DMXL1: variants seen among roughly 807,000 people sequenced by gnomAD.
The protein encoded by DMXL1 is Dmx like 1, also known as dmX-like protein 1.
DMXL1 carries 99 observed loss-of-function variants against 319.2 expected under a neutral mutation model. The ratio of observed to expected loss-of-function variants is 0.31; its 90% CI spans 0.26 to 0.37. The LOEUF is 0.37. Ranked by LOEUF, DMXL1 falls within the 10% of genes least tolerant of loss-of-function variation. DMXL1 has a pLI of 1.00. For missense variants in DMXL1, 3,745 were observed against 3,595.6 expected (o/e 1.04, Z -1.06); for synonymous variants, 1,385 against 1,235.2 (o/e 1.12, Z -2.54).
At chr5:119,116,634 T>A (rs1760905251) in intron 7 of DMXL1, among the ~76,000 whole-genome samples, 1 of 152,202 alleles carries the variant, frequency 6.6e-6, no homozygotes, top group Admixed American at 6.6e-5. Flanking sequence ...TCTAATTCTG[T>A]CATCTATTTT....
At chr5:119,077,168 A>T (rs1432189541) in intron 1 of DMXL1, among the ~76,000 whole-genome samples, 1 of 144,096 alleles carries the variant, frequency 6.9e-6, no homozygotes, top group Non-Finnish European at 1.5e-5. Flanking sequence ...ATTTTATTTT[A>T]TTTTTTTGAG....
At chr5:119,144,455 A>C (rs1273282229) in intron 14 of DMXL1, 81 bp from the exon 15 acceptor site, 4 of 1,009,548 alleles carry the variant, frequency 4.0e-6, no homozygotes, top group Admixed American at 5.0e-5. Flanking sequence ...ATATCTCATT[A>C]TGAAGTATTA....
chr5:119,130,198 T>G (rs901651093), intron 10 of DMXL1, among the ~76,000 whole-genome samples: 1 of 152,212 alleles, frequency 6.6e-6, no homozygotes. Flanking sequence ...TTATGAAGTT[T>G]CCACATTGTT....
At chr5:119,179,177 ATG>A (rs1357072973) in intron 28 of DMXL1, among the ~76,000 whole-genome samples, 1 of 152,010 alleles carries the variant, frequency 6.6e-6, no homozygotes, top group African/African-American at 2.4e-5. Flanking sequence ...GTATTAGCCC[ATG>A]TGTGATAATC....
chr5:119,134,025 G>A lies in DMXL1; in HGVS notation c.2101G>A (p.Val701Ile). The change falls in exon 12 of 44, where the codon GTT becomes ATT. Residue 701 changes from valine to isoleucine, a missense_variant. Val to Ile is a conservative substitution (Grantham distance 29). Around this residue, in one of 4 missense-constraint regions of DMXL1, gnomAD observed 2,096 missense variants for 1,985.4 expected, o/e 1.06. Transcript: ENST00000539542. ...VDVAFQDPSA[V>I]YSELILWRVD... is the part of the protein sequence containing the mutation. ...CGTGGCATTTCAGGATCCCAGTGCAGTTTACAGTGAGCTTATTCTGTGGAG... is the reference window on the plus strand; with the variant it reads ...CGTGGCATTTCAGGATCCCAGTGCAATTTACAGTGAGCTTATTCTGTGGAG... The A allele has an allele frequency of 6.2e-7, 1 of 1,614,170 alleles. No individual in the cohort carries two copies. The highest frequency in any genetic ancestry group is 1.1e-5 in the South Asian group (1 of 91,082).
At position 119,121,281 on chromosome 5, in the gene DMXL1, T is replaced by A. The variant is rs889676445; in HGVS notation, c.1102+142T>A. On this transcript the variant is annotated intron_variant, in intron 9 of 43. Transcript: ENST00000539542. ...ATTTTTCTTTTTTTTTTCTTTTTTT[T>A]TAATTTATTATTTATTTTTATTGAT... 141 of 631,224 alleles carry A rather than the reference T, an allele frequency of 2.2e-4. 2 individuals are homozygous for A. Among genetic ancestry groups the A allele is most frequent in the Admixed American group, 1.0e-3 (26 of 25,690 alleles). 39.1% of individuals were successfully genotyped at this position (631,224 alleles called of 1,614,324 possible).
intron 13 of DMXL1, among the ~76,000 whole-genome samples, chr5:119,141,991 C>T (rs983844037): frequency 6.6e-6 from 1 of 152,084 alleles, no homozygotes; most frequent in Non-Finnish European, 1.5e-5. Context: ...CTTTGACAAA[C>T]CTGACAAAAA....
intron 34 of DMXL1, among the ~76,000 whole-genome samples, chr5:119,208,280 C>T (rs1782107557): frequency 6.7e-6 from 1 of 149,018 alleles, no homozygotes; most frequent in African/African-American, 2.5e-5. Context: ...GTGGCGCGAT[C>T]TCAGCTTACT....
At chr5:119,110,935 C>A (rs563859106) in intron 5 of DMXL1, among the ~76,000 whole-genome samples, 1 of 152,178 alleles carries the variant, frequency 6.6e-6, no homozygotes, top group South Asian at 2.1e-4. Context: ...ATTACAGGCA[C>A]GCGCCACCAC....
chr5:119,241,313 C>T (rs1214439808), intron 42 of DMXL1, among the ~76,000 whole-genome samples: 2 of 151,910 alleles, frequency 1.3e-5, no homozygotes, highest in East Asian at 1.9e-4. Flanking sequence ...GGGTGGATCA[C>T]GAGGTCAGGA....
intron 10 of DMXL1, 89 bp from the exon 11 acceptor site, chr5:119,133,043 G>C: frequency 7.0e-7 from 1 of 1,429,668 alleles, no homozygotes; most frequent in Non-Finnish European, 9.5e-7. Flanking sequence ...AGATCTCCAT[G>C]TGTTCAGCTA....
intron 1 of DMXL1, among the ~76,000 whole-genome samples, chr5:119,078,042 G>A (rs1751385831): frequency 6.6e-6 from 1 of 151,558 alleles, no homozygotes; most frequent in Non-Finnish European, 1.5e-5. Context: ...GGATGTTTTA[G>A]GTTTTTATTT....
At chr5:119,089,727 G>A (rs1004069398) in intron 1 of DMXL1, among the ~76,000 whole-genome samples, 2 of 150,568 alleles carry the variant, frequency 1.3e-5, no homozygotes, top group African/African-American at 4.9e-5. Flanking sequence ...CTGGGTTCAA[G>A]CAATTCTTCT....
chr5:119,201,321 T>C (rs1294468019), intron 32 of DMXL1, among the ~76,000 whole-genome samples: 1 of 152,218 alleles, frequency 6.6e-6, no homozygotes, highest in Non-Finnish European at 1.5e-5. Context: ...TCTATTGATA[T>C]AATTATGTGG....
At chr5:119,132,999 G>C (rs1016405195) in intron 10 of DMXL1, 133 bp from the exon 11 acceptor site, 21 of 835,538 alleles carry the variant, frequency 2.5e-5, no homozygotes, top group Non-Finnish European at 3.5e-5. Flanking sequence ...TGTGGCGGAA[G>C]GGGTACAGAG....
rs1282159658 is a variant in DMXL1 at position 119,170,597 on chromosome 5, T to C, written c.5806T>C (p.Ser1936Pro). The change falls in exon 24 of 44, where the codon TCA (serine) becomes CCA (proline). Residue 1936 changes from serine (S) to proline (P), a missense_variant. By Grantham distance (74) the Ser-to-Pro change is moderately conservative. This residue lies in a region of DMXL1 where 1,382 missense variants were observed against 1,269.5 expected (regional missense o/e 1.09). Transcript: ENST00000539542. ...ACTGATAAATGGTTTTGGATCTTCT[T>C]CAGAGGGTTCCTCAGAGAAGCAATC... ...QSLINGFGSS[S>P]EGSSEKQSNS... The C allele has an allele frequency of 1.9e-6, 3 of 1,613,732 alleles. No homozygotes were observed. Among genetic ancestry groups the C allele is most frequent in the Non-Finnish European group, 2.5e-6 (3 of 1,179,914 alleles).
chr5:119,221,905 A>G (rs768723340), intron 37 of DMXL1, among the ~76,000 whole-genome samples: 3 of 151,920 alleles, frequency 2.0e-5, no homozygotes, highest in Non-Finnish European at 2.9e-5. Flanking sequence ...CTGATTACCT[A>G]GAGATGTGAT....
chr5:119,147,258 T>C lies in DMXL1; in HGVS notation c.2699T>C (p.Val900Ala). 1 of 1,611,750 alleles carries C rather than the reference T, an allele frequency of 6.2e-7. No individual in the cohort carries two copies. Among genetic ancestry groups the C allele is most frequent in the Non-Finnish European group, 8.5e-7 (1 of 1,178,602 alleles). Residue 900 changes from valine to alanine, a missense_variant, in exon 17 of 44, where the codon GTA becomes GCA. Physicochemically the swap from Val to Ala is moderately conservative, Grantham distance 64. Around this residue, in one of 4 missense-constraint regions of DMXL1, gnomAD observed 2,096 missense variants for 1,985.4 expected, o/e 1.06. Transcript: ENST00000539542. ...KSIPVSLDEK[V>A]DTKLSEAVWQ... ...TTCTTATGTTTTGTAGATGAAAAAGTAGATACAAAATTATCCGAAGCGGTT... is the reference window on the plus strand; with the variant it reads ...TTCTTATGTTTTGTAGATGAAAAAGCAGATACAAAATTATCCGAAGCGGTT...
rs777801414 is a variant in DMXL1 at position 119,167,766 on chromosome 5, A to G, written c.5300A>G (p.His1767Arg). The G allele has an allele frequency of 6.2e-6, 10 of 1,613,568 alleles. 1 individual carries two copies. Among genetic ancestry groups the G allele is most frequent in the South Asian group, 3.3e-5 (3 of 91,058 alleles). ...CTGTGTTCATTGAACATAAATATGC[A>G]TCATGATCCTTTTCTTCGGAGCATG... ...SELCSLNINMHHDPFLRSMAY... is the reference protein window; with the variant it reads ...SELCSLNINMRHDPFLRSMAY... The change falls in exon 23 of 44, where the codon CAT becomes CGT. Residue 1767 changes from histidine (H) to arginine (R), a missense_variant. By Grantham distance (29) the His-to-Arg change is conservative. Coordinates refer to ENST00000539542, the MANE Select transcript of DMXL1 (RefSeq NM_001290321.3).
Sources: gnomAD v4.1 joint callset for allele counts (sites outside exome capture counted in the v4.1 genomes callset) on GRCh38, gnomAD v4.1.1 for gene constraint, gnomAD v4.1.1 regional missense constraint, MANE v1.5 for transcripts, NCBI Gene and HGNC (gene_info 2026-07-23, HGNC 2026-07-21) for gene names.